DDAH1: variants seen among roughly 807,000 people sequenced by gnomAD.
The protein encoded by DDAH1 is N(G),N(G)-dimethylarginine dimethylaminohydrolase 1.
Under a neutral mutation model 28.8 loss-of-function variants are expected in DDAH1, and 19 were observed. That is an observed-to-expected ratio of 0.66 (90% CI 0.46 to 0.97). DDAH1 has a LOEUF of 0.97. DDAH1 is among the 50% of genes least tolerant of loss of function. The probability of loss-of-function intolerance (pLI) is 0.00; values close to 1 mark genes in which losing one functional copy is unlikely to be tolerated. For synonymous variants in DDAH1, 153 were observed against 154.4 expected (o/e 0.99, Z 0.07); for missense variants, 326 against 375.9 (o/e 0.87, Z 1.10).
intron 1 of DDAH1, among the ~76,000 whole-genome samples, chr1:85,526,924 GA>G (rs1485512287): frequency 2.6e-5 from 4 of 151,496 alleles, no homozygotes; most frequent in Non-Finnish European, 4.4e-5. Flanking sequence ...ATGTTAATAG[GA>G]AAAAGGAAGA....
intron 1 of DDAH1, among the ~76,000 whole-genome samples, chr1:85,374,516 G>A (rs1349925151): frequency 1.3e-5 from 2 of 151,948 alleles, no homozygotes; most frequent in Non-Finnish European, 2.9e-5. Flanking sequence ...ACTCTCCCTG[G>A]ACTTGAAGTG....
upstream of DDAH1, among the ~76,000 whole-genome samples, chr1:85,466,325 A>C (rs958510160): frequency 6.6e-6 from 1 of 152,162 alleles, no homozygotes; most frequent in Non-Finnish European, 1.5e-5. Flanking sequence ...ATCTCGGCTT[A>C]CTTCAACTGC....
intron 1 of DDAH1, among the ~76,000 whole-genome samples, chr1:85,365,255 T>C (rs1474179414): frequency 6.6e-6 from 1 of 152,206 alleles, no homozygotes; most frequent in African/African-American, 2.4e-5. Context: ...CACAATATTG[T>C]TACTAACCAA....
At chr1:85,531,192 A>T (rs1245056467) in intron 1 of DDAH1, among the ~76,000 whole-genome samples, 1 of 152,120 alleles carries the variant, frequency 6.6e-6, no homozygotes, top group African/African-American at 2.4e-5. Context: ...ACCAGGACCT[A>T]CTTCTGCCCC....
chr1:85,483,137 C>G (rs1656068864), intron 2 of DDAH1, among the ~76,000 whole-genome samples: 1 of 150,444 alleles, frequency 6.6e-6, no homozygotes, highest in East Asian at 2.0e-4. Flanking sequence ...CCGCTTGAAC[C>G]TGGGAGGGAG....
At chr1:85,429,529 C>T (rs1448962704) in intron 1 of DDAH1, among the ~76,000 whole-genome samples, 2 of 152,012 alleles carry the variant, frequency 1.3e-5, no homozygotes, top group Non-Finnish European at 2.9e-5. Context: ...GGGTATATAC[C>T]CAGTAATGGG....
intron 1 of DDAH1, among the ~76,000 whole-genome samples, chr1:85,533,865 A>C (rs1253500593): frequency 1.3e-5 from 2 of 152,232 alleles, no homozygotes; most frequent in African/African-American, 2.4e-5. Flanking sequence ...GTAAGTGTTC[A>C]ATAACTGTTA....
intron 1 of DDAH1, among the ~76,000 whole-genome samples, chr1:85,532,261 A>G (rs1658116403): frequency 6.6e-6 from 1 of 151,524 alleles, no homozygotes; most frequent in Non-Finnish European, 1.5e-5. Flanking sequence ...CCAAATCAAT[A>G]TAACACATTT....
chr1:85,445,355 A>G (rs1654386316), intron 1 of DDAH1, among the ~76,000 whole-genome samples: 1 of 152,120 alleles, frequency 6.6e-6, no homozygotes, highest in African/African-American at 2.4e-5. Flanking sequence ...AGTTTTAAGC[A>G]TACTCTTTTT....
chr1:85,433,041 A>C (rs1278448235), intron 1 of DDAH1, among the ~76,000 whole-genome samples: 1 of 152,330 alleles, frequency 6.6e-6, no homozygotes, highest in Middle Eastern at 3.4e-3. Context: ...ATACCAATCC[A>C]TGTAACAAAA....
At chr1:85,394,066 T>A (rs1651689617) in intron 1 of DDAH1, among the ~76,000 whole-genome samples, 1 of 152,150 alleles carries the variant, frequency 6.6e-6, no homozygotes, top group Non-Finnish European at 1.5e-5. Flanking sequence ...TGACAAAATA[T>A]AATATTTCAT....
At chr1:85,510,640 A>G (rs1400201395) in intron 1 of DDAH1, among the ~76,000 whole-genome samples, 1 of 152,200 alleles carries the variant, frequency 6.6e-6, no homozygotes, top group Non-Finnish European at 1.5e-5. Context: ...ACTCGAAATA[A>G]AGGGATGGAG....
Position 85,406,996 on chromosome 1 carries a change from ATATTTCTTT to A in DDAH1, c.304-48158_304-48150del, listed in dbSNP as rs1652435989. On this transcript the variant is annotated intron_variant, in intron 1 of 5. Transcript: ENST00000284031. ...AAATATATAAGAAGAAAAACACATT[ATATTTCTTT>A]AAGAGACTTTAGACCTTCCTCCTTG... is the stretch of plus-strand genomic sequence containing the variant. Among the ~76,000 whole-genome samples, 3 of 152,264 alleles carry A rather than the reference ATATTTCTTT, an allele frequency of 2.0e-5. No homozygotes were observed. In the East Asian group the frequency reaches 5.8e-4, roughly 29 times the overall value.
intron 1 of DDAH1, among the ~76,000 whole-genome samples, chr1:85,523,501 A>T (rs554391284): frequency 2.6e-5 from 4 of 152,184 alleles, no homozygotes; most frequent in African/African-American, 4.8e-5. Flanking sequence ...TGTATGAAAC[A>T]TGGAGAAATG....
chr1:85,474,486 A>C (rs747486743), intron 2 of DDAH1, among the ~76,000 whole-genome samples: 3 of 151,908 alleles, frequency 2.0e-5, no homozygotes, highest in Non-Finnish European at 2.9e-5. Flanking sequence ...CATTTCCTGG[A>C]ATGTGTGTGG....
chr1:85,404,331 C>G, intron 1 of DDAH1: 1 of 1,523,452 alleles, frequency 6.6e-7, no homozygotes, highest in Non-Finnish European at 8.8e-7. Flanking sequence ...GTTGACAAAG[C>G]CTGAAAGACC....
At chr1:85,414,285 A>C (rs1239923478) in intron 1 of DDAH1, among the ~76,000 whole-genome samples, 1 of 152,214 alleles carries the variant, frequency 6.6e-6, no homozygotes, top group African/African-American at 2.4e-5. Flanking sequence ...TTCTCCATAT[A>C]CGGTGTGGGT....
intron 2 of DDAH1, among the ~76,000 whole-genome samples, chr1:85,481,495 T>C (rs1306254758): frequency 6.6e-6 from 1 of 152,336 alleles, no homozygotes; most frequent in Non-Finnish European, 1.5e-5. Context: ...ACATACAAGA[T>C]GTTATGAGAA....
intron 1 of DDAH1, among the ~76,000 whole-genome samples, chr1:85,438,595 G>C (rs1350245378): frequency 6.6e-6 from 1 of 152,140 alleles, no homozygotes; most frequent in Non-Finnish European, 1.5e-5. Flanking sequence ...TCCTCTTTGA[G>C]CAACCCCAGC....
Sources: allele counts gnomAD v4.1 joint callset (sites outside exome capture counted in the v4.1 genomes callset), GRCh38; gene constraint gnomAD v4.1.1; transcripts MANE v1.5; gene names NCBI Gene and HGNC (gene_info 2026-07-23, HGNC 2026-07-21).